KCTD14: variants seen among roughly 807,000 people sequenced by gnomAD.
The protein encoded by KCTD14 is potassium channel tetramerization domain containing 14, also known as BTB/POZ domain-containing protein KCTD14.
KCTD14 carries 7 observed loss-of-function variants against 5.9 expected under a neutral mutation model. The observed-to-expected ratio is 1.19, with a 90% CI of 0.68 to 2.23. KCTD14 has a LOEUF of 2.23. Ranked by LOEUF, KCTD14 falls within the 30% of genes most tolerant of loss-of-function variation. KCTD14 has a pLI of 0.00. For synonymous variants in KCTD14, 140 were observed against 133.1 expected (o/e 1.05, Z -0.36); for missense variants, 342 against 332.2 (o/e 1.03, Z -0.23).
intron 1 of KCTD14, among the ~76,000 whole-genome samples, chr11:78,043,437 C>T (rs2136765029): frequency 6.6e-6 from 1 of 152,226 alleles, no homozygotes; most frequent in African/African-American, 2.4e-5. Context: ...GCCACTGCAC[C>T]CAGCCTGTGT....
intron 1 of KCTD14, among the ~76,000 whole-genome samples, chr11:78,018,649 A>G (rs868323220): frequency 6.6e-6 from 1 of 151,802 alleles, no homozygotes; most frequent in African/African-American, 2.4e-5. Flanking sequence ...AGAGGTTACA[A>G]TGAGCTGAGA....
In KCTD14 at chr11:78,016,408, A is replaced by G. The variant is rs367677962; in HGVS notation, c.*185T>C. The G allele has an allele frequency of 1.7e-6, 1 of 604,434 alleles. No homozygotes were observed. 37.4% of individuals were successfully genotyped at this position (604,434 alleles called of 1,614,324 possible). On this transcript the variant is annotated 3_prime_UTR_variant, in exon 2 of 2. Transcript: ENST00000353172. The stretch of plus-strand genomic sequence containing the variant: ...GAAGTAGCTGCAAGTTGCTAGGCAA[A>G]TATAGTGGCATCAGTTGCAATGGAG...
upstream of KCTD14, chr11:78,023,326 G>A: frequency 1.4e-6 from 2 of 1,440,294 alleles, no homozygotes; most frequent in Non-Finnish European, 1.9e-6. Context: ...AGGCGGGACG[G>A]GGCTGAGCCA....
At chr11:78,039,928 CTCTT>C (rs1352659273) in intron 1 of KCTD14, among the ~76,000 whole-genome samples, 2 of 152,090 alleles carry the variant, frequency 1.3e-5, no homozygotes, top group Non-Finnish European at 2.9e-5. Context: ...TATTTTTTCT[CTCTT>C]TCTCTACTAT....
In KCTD14 at chr11:78,043,511, A is replaced by G. The variant is rs184657238; in HGVS notation, c.-96+2550T>C. Among the ~76,000 whole-genome samples the G allele has an allele frequency of 2.0e-5, 3 of 152,330 alleles. No homozygotes were observed. The East Asian group carries it at 5.8e-4, about 29-fold the overall frequency. On this transcript the variant is annotated intron_variant, in intron 1 of 2. Transcript: ENST00000533144. Reference sequence around the variant, plus strand: ...ACAAATACCATCCTTGCTTGCAAAGAGCTCAGAATCAAGTGAGGGGATAGA... The same window carrying G: ...ACAAATACCATCCTTGCTTGCAAAGGGCTCAGAATCAAGTGAGGGGATAGA...
upstream of KCTD14, chr11:78,023,518 CTT>C (rs113012783): frequency 1.6e-3 from 580 of 362,794 alleles, no homozygotes; most frequent in South Asian, 2.4e-3. Context: ...TTCTTTCTTT[CTT>C]TTTTTTTTTT....
chr11:78,025,042 A>G, upstream of KCTD14, among the ~76,000 whole-genome samples: 1 of 146,554 alleles, frequency 6.8e-6, no homozygotes. Context: ...CCCGTTATAT[A>G]TATACATATG....
At chr11:78,041,050 T>C (rs74504066) in intron 1 of KCTD14, among the ~76,000 whole-genome samples, 7,618 of 152,228 alleles carry the variant, frequency 0.05, 618 homozygotes, top group African/African-American at 0.17. Context: ...GGGAGTTGCC[T>C]GGTAAGCCAG....
upstream of KCTD14, among the ~76,000 whole-genome samples, chr11:78,025,541 A>G (rs1348153023): frequency 1.3e-5 from 2 of 152,144 alleles, no homozygotes; most frequent in Non-Finnish European, 2.9e-5. Flanking sequence ...AGTATTAACC[A>G]TCACATTGAC....
At chr11:78,034,838 G>A (rs758152945) in intron 2 of KCTD14, among the ~76,000 whole-genome samples, 1 of 152,122 alleles carries the variant, frequency 6.6e-6, no homozygotes, top group Non-Finnish European at 1.5e-5. Flanking sequence ...TAGTGAACAT[G>A]TGTAACATTT....
intron 1 of KCTD14, among the ~76,000 whole-genome samples, chr11:78,020,653 A>G (rs903656474): frequency 6.6e-6 from 1 of 152,240 alleles, no homozygotes; most frequent in African/African-American, 2.4e-5. Flanking sequence ...CATTACTCCT[A>G]CACCACTGAA....
upstream of KCTD14, among the ~76,000 whole-genome samples, chr11:78,025,085 C>CGTGTGTGTGT (rs1163862866): frequency 1.0e-4 from 9 of 89,388 alleles, no homozygotes; most frequent in East Asian, 8.5e-4. Flanking sequence ...TATATACACA[C>CGTGTGTGTGT]GTGTGTGTGT....
chr11:78,026,958 G>T, upstream of KCTD14, among the ~76,000 whole-genome samples: 1 of 151,920 alleles, frequency 6.6e-6, no homozygotes, highest in South Asian at 2.1e-4. Context: ...AAATTAGCTG[G>T]CGTGGTGGCA....
Position 78,033,901 on chromosome 11 carries a change from G to GTACATATA in KCTD14, c.-1+4762_-1+4763insTATATGTA, listed in dbSNP as rs1555054301. 1.3e-4 allele frequency among the ~76,000 whole-genome samples: 15 copies of GTACATATA among 115,604 alleles called. 1 individual carries two copies. Among genetic ancestry groups the GTACATATA allele is most frequent in the African/African-American group, 4.9e-4 (14 of 28,542 alleles). The allele number at this position is 115,604 out of a possible 152,430, so 75.8% of individuals were successfully genotyped here. A position where few individuals can be genotyped will look rare whatever the true frequency, so the allele number is the denominator to read the frequency against. On this transcript the variant is annotated intron_variant, in intron 2 of 2. Transcript: ENST00000533144. ...ATAGTGTGTGTGTATGTGTGTGTGT[G>GTACATATA]TATATATATATATACACACATTATA...
chr11:78,039,068 C>CAAA (rs34453594), intron 1 of KCTD14, among the ~76,000 whole-genome samples: 37 of 114,714 alleles, frequency 3.2e-4, no homozygotes, highest in East Asian at 9.6e-4. Context: ...CTTTAGATTA[C>CAAA]AAAAAAAAAA....
At chr11:78,023,051 G>A (rs180766222) in intron 1 of KCTD14, 109 bp downstream of exon 1, 3 of 729,118 alleles carry the variant, frequency 4.1e-6, no homozygotes, top group East Asian at 5.6e-5. Context: ...CAGAAGCAGG[G>A]GGCTCGGGCG....
chr11:78,032,851 A>T (rs1025397583), intron 2 of KCTD14, among the ~76,000 whole-genome samples: 35 of 151,626 alleles, frequency 2.3e-4, no homozygotes, highest in Non-Finnish European at 3.8e-4. Flanking sequence ...GCTAATTTTT[A>T]AATTTTTTTT....
intron 1 of KCTD14, among the ~76,000 whole-genome samples, chr11:78,041,207 A>C (rs2136760312): frequency 6.6e-6 from 1 of 152,270 alleles, no homozygotes; most frequent in East Asian, 1.9e-4. Context: ...GGATGTAGGT[A>C]GGGGCACTGG....
At chr11:78,022,886 CA>C (rs1857342505) in intron 1 of KCTD14, 2 of 439,148 alleles carry the variant, frequency 4.6e-6, no homozygotes, top group Non-Finnish European at 8.1e-6. Context: ...ACTAAAGACC[CA>C]ATGTAGAGGG....
Sources: gnomAD v4.1 joint callset for allele counts (sites outside exome capture counted in the v4.1 genomes callset) on GRCh38, gnomAD v4.1.1 for gene constraint, MANE v1.5 for transcripts, NCBI Gene and HGNC (gene_info 2026-07-23, HGNC 2026-07-21) for gene names.